ALAS1: variants seen among roughly 807,000 people sequenced by gnomAD.
ALAS1 encodes 5'-aminolevulinate synthase 1.
ALAS1 carries 29 observed loss-of-function variants against 59.6 expected under a neutral mutation model. The observed-to-expected ratio is 0.49, with a 90% CI of 0.36 to 0.66. The LOEUF is 0.66. ALAS1 is among the 30% of genes least tolerant of loss of function. The pLI is 0.00. For missense variants in ALAS1, 690 were observed against 807.5 expected (o/e 0.85, Z 1.76); for synonymous variants, 299 against 296.6 (o/e 1.01, Z -0.08).
intron 8 of ALAS1, 22 bp downstream of exon 8, chr3:52,206,773 T>C: frequency 6.2e-7 from 1 of 1,605,580 alleles, no homozygotes; most frequent in Middle Eastern, 1.7e-4. Context: ...TAGAGGTTCC[T>C]CTGAAACCTA....
intron 11 of ALAS1, 26 bp downstream of exon 11, chr3:52,212,446 C>A: frequency 6.2e-7 from 1 of 1,613,454 alleles, no homozygotes; most frequent in Non-Finnish European, 8.5e-7. Flanking sequence ...GCTGCTGGTG[C>A]CTCACTGAGG....
chr3:52,206,747 G>A lies in ALAS1; in HGVS notation c.1161G>A (p.Met387Ile). 1 of 1,614,006 alleles carries A rather than the reference G, an allele frequency of 6.2e-7. No individual in the cohort carries two copies. ...KIVAFETVHSMDGAVCPLEEL... is the reference protein window; with the variant it reads ...KIVAFETVHSIDGAVCPLEEL... ...TGGCATTTGAAACTGTCCATTCAATGGATGGTAAGTGTGGATAGAGGTTCC... is the reference window on the plus strand; with the variant it reads ...TGGCATTTGAAACTGTCCATTCAATAGATGGTAAGTGTGGATAGAGGTTCC... Residue 387 changes from methionine (M) to isoleucine (I), a missense_variant, in exon 8 of 12, where the codon ATG becomes ATA. Physicochemically the swap from Met to Ile is conservative, Grantham distance 10. Transcript: ENST00000484952.
intron 5 of ALAS1, among the ~76,000 whole-genome samples, chr3:52,204,482 T>G (rs202046650): frequency 6.6e-6 from 1 of 152,378 alleles, no homozygotes; most frequent in South Asian, 2.1e-4. Context: ...CAGGTGCTGT[T>G]GGTAGCCTGC....
chr3:52,208,286 A>T (rs1699335672), intron 9 of ALAS1, 39 bp downstream of exon 9: 1 of 1,609,044 alleles, frequency 6.2e-7, no homozygotes, highest in Non-Finnish European at 8.5e-7. Flanking sequence ...AAATTCCATT[A>T]TCCTAACAAG....
chr3:52,210,431 A>G (rs1227825215), intron 9 of ALAS1, among the ~76,000 whole-genome samples: 1 of 152,302 alleles, frequency 6.6e-6, no homozygotes. Context: ...GCTTGGCCAT[A>G]TGACTTTGGG....
chr3:52,198,854 C>A lies in ALAS1; in HGVS notation c.-33+6C>A. On this transcript the variant is annotated splice_donor_region_variant and intron_variant, in intron 2 of 11. Transcript: ENST00000484952. ...GGCTTCTTCTCCACCTAGATGTAAGCCAAGATGTCTTATCTGCACTGTGCA... is the reference window on the plus strand; with the variant it reads ...GGCTTCTTCTCCACCTAGATGTAAGACAAGATGTCTTATCTGCACTGTGCA... 6.5e-7 allele frequency: 1 copy of A among 1,535,666 alleles called. No individual in the cohort carries two copies. The highest frequency in any genetic ancestry group is 8.7e-7 in the Non-Finnish European group (1 of 1,146,870).
chr3:52,207,755 AT>A (rs1699324184), intron 8 of ALAS1, among the ~76,000 whole-genome samples: 1 of 152,142 alleles, frequency 6.6e-6, no homozygotes, highest in Non-Finnish European at 1.5e-5. Context: ...TCCTGTATTA[AT>A]TCACTTAGGA....
At position 52,198,738 on chromosome 3, in the gene ALAS1, C is replaced by CCCTG; in HGVS notation, c.-141_-138dup. 2 of 1,449,072 alleles carry CCCTG rather than the reference C, an allele frequency of 1.4e-6. No homozygotes were observed. Among genetic ancestry groups the CCCTG allele is most frequent in the Non-Finnish European group, 1.9e-6 (2 of 1,068,366 alleles). The allele number at this position is 1,449,072 out of a possible 1,614,324, so 89.8% of individuals were successfully genotyped here. A position where few individuals can be genotyped will look rare whatever the true frequency, so the allele number is the denominator to read the frequency against. ...GAATCCTTGCTTCAGGGACTCGGGA[C>CCCTG]CCTGCTGGACCCCTTCCTCGGGTTT... On this transcript the variant is annotated 5_prime_UTR_variant, in exon 2 of 12. An upstream open reading frame in the 5' UTR gains an earlier in-frame stop. Transcript: ENST00000484952.
At chr3:52,201,275 A>C (rs1699181482) in intron 3 of ALAS1, among the ~76,000 whole-genome samples, 1 of 152,258 alleles carries the variant, frequency 6.6e-6, no homozygotes, top group African/African-American at 2.4e-5. Flanking sequence ...TTTAGTCAGC[A>C]GACTTTGATG....
At chr3:52,205,691 A>T in intron 6 of ALAS1, 148 bp from the exon 7 acceptor site, 1 of 682,882 alleles carries the variant, frequency 1.5e-6, no homozygotes, top group Non-Finnish European at 2.4e-6. Context: ...AGATGAAATC[A>T]GTTGAAATTT....
At position 52,199,377 on chromosome 3, in the gene ALAS1, C is replaced by T. The variant is rs768454292; in HGVS notation, c.136C>T (p.Arg46Trp). The T allele has an allele frequency of 2.4e-5, 38 of 1,614,060 alleles. No homozygotes were observed. The highest frequency in any genetic ancestry group is 3.0e-5 in the Non-Finnish European group (35 of 1,180,050). The stretch of plus-strand genomic sequence containing the variant: ...GGAAGTTGGGGCCAAGCCAGCCCCT[C>T]GGGCATTGTCCACTGCAGCAGTACA... Reference protein sequence around the residue: ...MMEVGAKPAPRALSTAAVHYQ... With the variant: ...MMEVGAKPAPWALSTAAVHYQ... Residue 46 changes from arginine (R) to tryptophan (W), a missense_variant, in exon 3 of 12, where the codon CGG becomes TGG. Transcript: ENST00000484952.
intron 3 of ALAS1, 88 bp downstream of exon 3, chr3:52,199,528 C>A: frequency 1.6e-6 from 2 of 1,222,394 alleles, no homozygotes; most frequent in Non-Finnish European, 2.3e-6. Flanking sequence ...TGGTGAGGGT[C>A]ACACTCACTC....
At chr3:52,208,345 C>T (rs563875298) in intron 9 of ALAS1, 98 bp downstream of exon 9, 1 of 1,362,666 alleles carries the variant, frequency 7.3e-7, no homozygotes, top group East Asian at 2.4e-5. Flanking sequence ...GACAGCCTGA[C>T]AGCATATGAA....
chr3:52,208,006 G>A (rs1421918332), intron 8 of ALAS1, 77 bp from the exon 9 acceptor site: 24 of 1,371,642 alleles, frequency 1.7e-5, no homozygotes, highest in Non-Finnish European at 1.9e-5. Flanking sequence ...AGAAGTTTAC[G>A]TTGTTCTGAC....
chr3:52,211,581 G>A (rs764106762), intron 10 of ALAS1, 30 bp downstream of exon 10: 29 of 1,609,542 alleles, frequency 1.8e-5, no homozygotes, highest in East Asian at 1.1e-4. Flanking sequence ...TGGACTTGCC[G>A]TGGGGTGTGC....
chr3:52,202,884 A>G, intron 4 of ALAS1, 150 bp downstream of exon 4: 1 of 758,456 alleles, frequency 1.3e-6, no homozygotes, highest in Non-Finnish European at 2.2e-6. Context: ...TTCAAGATAG[A>G]CAGTCAAGGG....
At chr3:52,198,305 G>A (rs569059062) in intron 1 of ALAS1, 50 bp downstream of exon 1, 6 of 405,958 alleles carry the variant, frequency 1.5e-5, no homozygotes, top group African/African-American at 1.0e-4. Flanking sequence ...GCCCCGGGGT[G>A]TCCTGCCAGC....
intron 10 of ALAS1, 81 bp from the exon 11 acceptor site, chr3:52,212,177 T>C: frequency 7.5e-7 from 1 of 1,326,838 alleles, no homozygotes. Context: ...CTGAGCGTTG[T>C]GGGGACTGCG....
chr3:52,201,568 A>G (rs1699186235), intron 3 of ALAS1, among the ~76,000 whole-genome samples: 1 of 152,160 alleles, frequency 6.6e-6, no homozygotes, highest in African/African-American at 2.4e-5. Flanking sequence ...CTAGGGCCAC[A>G]TAACAAGACT....
Sources: allele counts gnomAD v4.1 joint callset (sites outside exome capture counted in the v4.1 genomes callset), GRCh38; gene constraint gnomAD v4.1.1; transcripts MANE v1.5; gene names NCBI Gene and HGNC (gene_info 2026-07-23, HGNC 2026-07-21).